DMD: variants seen among roughly 807,000 people sequenced by gnomAD.
The protein encoded by DMD is dystrophin, also known as mutant dystrophin.
Under a neutral mutation model 330.1 loss-of-function variants are expected in DMD, and 63 were observed. The ratio of observed to expected loss-of-function variants is 0.19; its 90% CI spans 0.16 to 0.24. The LOEUF (loss-of-function observed/expected upper bound fraction) is 0.24. DMD is among the 10% of genes least tolerant of loss of function. The pLI is 1.00. For missense variants in DMD, 3,344 were observed against 2,684.1 expected, an observed-to-expected ratio of 1.25 and a Z score of -5.43; for synonymous variants, 1,223 against 959.8, an observed-to-expected ratio of 1.27 and a Z score of -5.07.
intron 1 of DMD, among the ~76,000 whole-genome samples, chrX:33,329,220 A>G (rs1165163611): frequency 8.9e-6 from 1 of 111,816 alleles, no homozygotes; most frequent in African/African-American, 3.2e-5. Context: ...TGGAAATGAG[A>G]AACACAATGA....
chrX:31,243,370 G>T lies in DMD; in HGVS notation c.9286+17585C>A, dbSNP rs991821067. 4.5e-5 allele frequency among the ~76,000 whole-genome samples: 5 copies of T among 111,722 alleles called. No homozygotes were observed. The South Asian group carries it at 1.9e-3, about 42-fold the overall frequency. On this transcript the variant is annotated intron_variant, in intron 63 of 78. Transcript: ENST00000357033. The stretch of plus-strand genomic sequence containing the variant: ...AATAGATCCACTAAGGATGGATAAA[G>T]GGATAAGGCTTATTTAGCTGAAAAA...
intron 47 of DMD, among the ~76,000 whole-genome samples, chrX:31,886,148 C>T (rs971843743): frequency 1.8e-5 from 2 of 110,621 alleles, no homozygotes; most frequent in African/African-American, 6.5e-5. Context: ...ATGCTGAATT[C>T]GGAAACTTCT....
At chrX:31,672,395 T>C (rs1395204240) in intron 53 of DMD, among the ~76,000 whole-genome samples, 3 of 112,291 alleles carry the variant, frequency 2.7e-5, no homozygotes, top group Non-Finnish European at 5.6e-5. Flanking sequence ...AAACGCTGTA[T>C]AGATATCTGT....
At chrX:31,649,146 T>A (rs1326210052) in intron 54 of DMD, among the ~76,000 whole-genome samples, 2 of 111,855 alleles carry the variant, frequency 1.8e-5, no homozygotes, top group Non-Finnish European at 3.8e-5. Context: ...TAATATTAAA[T>A]TTATGAACAA....
At chrX:32,414,013 G>A (rs1354303517) in intron 29 of DMD, among the ~76,000 whole-genome samples, 5 of 111,225 alleles carry the variant, frequency 4.5e-5, no homozygotes, top group African/African-American at 1.6e-4. Context: ...GAGACATTGC[G>A]CGCAGCCAAA....
chrX:33,123,677 C>G (rs1270614702), intron 1 of DMD, among the ~76,000 whole-genome samples: 2 of 106,977 alleles, frequency 1.9e-5, no homozygotes, highest in Non-Finnish European at 3.8e-5. Context: ...CTCAGCCTCC[C>G]AAATTGCTGG....
chrX:32,731,731 G>C (rs868169463), intron 7 of DMD, among the ~76,000 whole-genome samples: 1 of 112,086 alleles, frequency 8.9e-6, no homozygotes, highest in Non-Finnish European at 1.9e-5. Context: ...CTAACAAACA[G>C]AAAGGACATC....
chrX:31,957,388 T>C (rs748994628), intron 45 of DMD, among the ~76,000 whole-genome samples: 2 of 111,857 alleles, frequency 1.8e-5, no homozygotes, highest in Non-Finnish European at 3.8e-5. Context: ...ATCTAGGAGC[T>C]AAAAACATTC....
chrX:32,478,723 T>C (rs2041502850), intron 21 of DMD, among the ~76,000 whole-genome samples: 1 of 111,837 alleles, frequency 8.9e-6, no homozygotes, highest in South Asian at 3.6e-4. Flanking sequence ...AGTCAAAATA[T>C]GCCTTTTAAT....
intron 4 of DMD, among the ~76,000 whole-genome samples, chrX:32,827,498 T>C (rs1277729869): frequency 9.0e-6 from 1 of 110,908 alleles, no homozygotes; most frequent in Non-Finnish European, 1.9e-5. Flanking sequence ...TTGCGTGTCA[T>C]GGGGGTTTAA....
At position 33,280,887 on chromosome X, in the gene DMD, C is replaced by T. The variant is rs754063119; in HGVS notation, c.7+58372G>A. On this transcript the variant is annotated intron_variant, in intron 1 of 17. Transcript: ENST00000288447. The stretch of plus-strand genomic sequence containing the variant: ...GAGTGATTTCTCTAATTAATTTTTC[C>T]TTATTCAATAGTTTTGGCTAGTATA... 2.7e-5 allele frequency among the ~76,000 whole-genome samples: 3 copies of T among 111,420 alleles called. No individual in the cohort carries two copies. In the East Asian group the frequency reaches 8.5e-4, roughly 32 times the overall value.
At chrX:33,183,499 C>G (rs2050095350) in intron 1 of DMD, among the ~76,000 whole-genome samples, 1 of 111,561 alleles carries the variant, frequency 9.0e-6, no homozygotes, top group East Asian at 2.8e-4. Flanking sequence ...GAATGAGGCT[C>G]GGCTATTTTT....
In DMD at chrX:32,464,590, C is replaced by T. The variant is rs1402060578; in HGVS notation, c.3272G>A (p.Cys1091Tyr). ...SEILKKQLKQ[C>Y]RLLVSDIQTI... ...GGCATCATATAAAAATCTTACTCTG[C>T]ACTGTTTCAGCTGCTTTTTTAGAAT... Residue 1091 changes from cysteine (C) to tyrosine (Y), a missense_variant, in exon 24 of 79, where the codon TGC becomes TAC. Coordinates refer to ENST00000357033, the MANE Select transcript of DMD (RefSeq NM_004006.3). 3 of 1,186,548 alleles carry T rather than the reference C, an allele frequency of 2.5e-6. No individual in the cohort carries two copies. The highest frequency in any genetic ancestry group is 3.4e-6 in the Non-Finnish European group (3 of 873,989).
intron 17 of DMD, among the ~76,000 whole-genome samples, chrX:32,537,681 G>C (rs1224863130): frequency 9.0e-6 from 1 of 111,550 alleles, no homozygotes; most frequent in Admixed American, 9.5e-5. Context: ...GAGTCCGTAA[G>C]GGAATACAGA....
At chrX:32,866,754 G>T (rs1569536594) in intron 2 of DMD, among the ~76,000 whole-genome samples, 2 of 75,508 alleles carry the variant, frequency 2.6e-5, no homozygotes, top group East Asian at 1.1e-3. Context: ...GGGGGGGGGG[G>T]ACAGAGTTTC....
intron 47 of DMD, among the ~76,000 whole-genome samples, chrX:31,909,517 T>A (rs1256241077): frequency 1.3e-5 from 1 of 78,287 alleles, no homozygotes; most frequent in Admixed American, 1.4e-4. Context: ...CAGAGAAATG[T>A]GAAAAAAAAA....
rs767975440 is a variant in DMD at position 33,253,809 on chromosome X, T to A, written c.7+85450A>T. ...AATAAATCCATAAATACTAATGAAA[T>A]TTTTCAAACTCTAATCCCCATTCTT... On this transcript the variant is annotated intron_variant, in intron 1 of 17. Transcript: ENST00000288447. Among the ~76,000 whole-genome samples, 20 of 111,352 alleles carry A rather than the reference T, an allele frequency of 1.8e-4. No homozygotes were observed. In the South Asian group the frequency reaches 7.4e-3, roughly 41 times the overall value.
intron 1 of DMD, among the ~76,000 whole-genome samples, chrX:33,199,621 A>C (rs1186203696): frequency 1.8e-5 from 2 of 111,545 alleles, no homozygotes; most frequent in Admixed American, 9.6e-5. Flanking sequence ...AGTTATCTGT[A>C]TATAAGTGTT....
chrX:31,875,604 C>T (rs2093956278), intron 47 of DMD, among the ~76,000 whole-genome samples: 1 of 111,835 alleles, frequency 8.9e-6, no homozygotes, highest in Non-Finnish European at 1.9e-5. Context: ...TTTAAAGAAA[C>T]TAATACCTTT....
Sources: allele counts gnomAD v4.1 joint callset (sites outside exome capture counted in the v4.1 genomes callset), GRCh38; gene constraint gnomAD v4.1.1; transcripts MANE v1.5; gene names NCBI Gene and HGNC (gene_info 2026-07-23, HGNC 2026-07-21).